Variants in MYOM3 observed in about 807,000 individuals in gnomAD.
MYOM3 encodes the protein myomesin-3.
A neutral mutation model predicts 191.7 loss-of-function variants in MYOM3; 155 were observed. That is an observed-to-expected ratio of 0.81 (90% CI 0.71 to 0.92). The LOEUF (loss-of-function observed/expected upper bound fraction) is 0.92. MYOM3 is among the 40% of genes least tolerant of loss of function. The pLI is 0.00. For synonymous variants in MYOM3, 757 were observed against 762.9 expected (o/e 0.99, Z 0.13); for missense variants, 1,889 against 1,890.6 (o/e 1.00, Z 0.02).
chr1:24,096,979 G>A (rs116175291), intron 7 of MYOM3, among the ~76,000 whole-genome samples: 1,681 of 152,336 alleles, frequency 0.011, 27 homozygotes, highest in African/African-American at 0.039. Flanking sequence ...TAGAGGCTCA[G>A]GGAAGTGAGG....
Position 24,108,570 on chromosome 1 carries a change from T to C in MYOM3, c.67A>G (p.Arg23Gly). The change falls in exon 2 of 37, where the codon AGG (arginine) becomes GGG (glycine). Residue 23 changes from arginine (R) to glycine (G), a missense_variant. Arg to Gly is a moderately radical substitution (Grantham distance 125, BLOSUM62 -2). Coordinates refer to ENST00000374434, the MANE Select transcript of MYOM3 (RefSeq NM_152372.4). ...TCCTCCTCCTGCCGGTGCTCCAGCC[T>C]GTGAACCTCCATGGCCTGGGGGGGC... is the stretch of plus-strand genomic sequence containing the variant. ...PRPPQAMEVHRLEHRQEEEQK... is the reference protein window; with the variant it reads ...PRPPQAMEVHGLEHRQEEEQK... 6.3e-7 allele frequency: 1 copy of C among 1,578,582 alleles called. No individual in the cohort carries two copies. The highest frequency in any genetic ancestry group is 8.6e-7 in the Non-Finnish European group (1 of 1,162,648).
chr1:24,075,857 C>T (rs753963013), intron 21 of MYOM3, among the ~76,000 whole-genome samples: 4 of 152,202 alleles, frequency 2.6e-5, no homozygotes, highest in Non-Finnish European at 5.9e-5. Context: ...GCAATGTGCG[C>T]ATCACCAAAT....
Position 24,056,478 on chromosome 1 carries a change from C to T in MYOM3, c.*886G>A, listed in dbSNP as rs1643302238. On this transcript the variant is annotated 3_prime_UTR_variant, in exon 37 of 37. Coordinates refer to ENST00000374434, the MANE Select transcript of MYOM3 (RefSeq NM_152372.4). ...CCGCCTCCCAGGTTCAACGGATTCTCCCACCTCGGCCTTCTGAATAGCCGG... is the reference window on the plus strand; with the variant it reads ...CCGCCTCCCAGGTTCAACGGATTCTTCCACCTCGGCCTTCTGAATAGCCGG... The T allele has an allele frequency of 6.6e-6, 1 of 152,228 alleles. No homozygotes were observed. Among genetic ancestry groups the T allele is most frequent in the African/African-American group, 2.4e-5 (1 of 41,456 alleles). The allele number at this position is 152,228 out of a possible 1,614,324, so 9.4% of individuals were successfully genotyped here.
intron 21 of MYOM3, 38 bp downstream of exon 21, chr1:24,076,120 GC>G (rs764014822): frequency 6.6e-7 from 1 of 1,518,596 alleles, no homozygotes; most frequent in South Asian, 1.1e-5. Flanking sequence ...CAGTGGCGTA[GC>G]CCAGTGGCAG....
At chr1:24,061,429 G>A (rs1441075163) in intron 33 of MYOM3, 120 bp from the exon 34 acceptor site, 20 of 1,016,282 alleles carry the variant, frequency 2.0e-5, no homozygotes, top group Admixed American at 8.2e-5. Flanking sequence ...TCCCCATGCC[G>A]ATGTTTCTTT....
rs781230300 is a variant in MYOM3, at chr1:24,097,282, A to G, written c.745+641T>C. Among the ~76,000 whole-genome samples the G allele has an allele frequency of 1.1e-4, 17 of 152,164 alleles. 1 individual carries two copies. The highest frequency in any genetic ancestry group is 7.2e-4 in the Admixed American group (11 of 15,284). Reference sequence around the variant, plus strand: ...TGAGATGGATCCCAACCTAAGCGCAATCCGGTGGGCCAAGCATGCTCTTTG... The same window carrying G: ...TGAGATGGATCCCAACCTAAGCGCAGTCCGGTGGGCCAAGCATGCTCTTTG... On this transcript the variant is annotated intron_variant, in intron 7 of 36. Transcript: ENST00000374434.
intron 14 of MYOM3, among the ~76,000 whole-genome samples, chr1:24,088,188 G>T (rs549346186): frequency 6.6e-6 from 1 of 152,234 alleles, no homozygotes; most frequent in African/African-American, 2.4e-5. Context: ...GTCTGGGCAA[G>T]AGAGTTAAGA....
chr1:24,093,146 G>T (rs771727374), intron 9 of MYOM3, 38 bp from the exon 10 acceptor site: 2 of 1,545,908 alleles, frequency 1.3e-6, no homozygotes, highest in Non-Finnish European at 1.8e-6. Flanking sequence ...AGTTTGTGGG[G>T]GGTCCTGGTC....
At chr1:24,065,564 C>A (rs779366966) in intron 29 of MYOM3, among the ~76,000 whole-genome samples, 1 of 152,096 alleles carries the variant, frequency 6.6e-6, no homozygotes. Context: ...GGTCAGAGAG[C>A]GACGGGGGCT....
chr1:24,084,418 A>G lies in MYOM3; in HGVS notation c.1970+50T>C, dbSNP rs1557609810. 4 of 1,584,916 alleles carry G rather than the reference A, an allele frequency of 2.5e-6. No individual in the cohort carries two copies. In the East Asian group the frequency reaches 8.9e-5, roughly 35 times the overall value. On this transcript the variant is annotated intron_variant, in intron 16 of 36. Coordinates refer to ENST00000374434, the MANE Select transcript of MYOM3 (RefSeq NM_152372.4). ...TAAAAGAAATTACCCAGTCTCAGGT[A>G]TGTCTTTATAGCAGTGTGAGAACAG...
At position 24,057,382 on chromosome 1, in the gene MYOM3, C is replaced by T; in HGVS notation, c.4296G>A (p.Lys1432=). The T allele has an allele frequency of 6.2e-7, 1 of 1,613,696 alleles. No individual in the cohort carries two copies. Residue 1432 remains lysine (K), a synonymous_variant, in exon 37 of 37, where the codon AAG becomes AAA. Transcript: ENST00000374434. ...CACGCTGTCACATGCTCTTCAGCTCCTTGGGCTCGTCCCCGTGCTTGAACA... is the reference window on the plus strand; with the variant it reads ...CACGCTGTCACATGCTCTTCAGCTCTTTGGGCTCGTCCCCGTGCTTGAACA... The part of the protein sequence containing the change: ...ISVFKHGDEP[K]ELKSM
rs1410851422 is a variant in MYOM3, at chr1:24,094,846, T to G, written c.928+7A>C. ...GGAGGCTGGGGGCCAGGACTGGGGG[T>G]CCTTACCATCTCGGAACCACTGGAT... On this transcript the variant is annotated splice_region_variant and intron_variant, in intron 9 of 36. Coordinates refer to ENST00000374434, the MANE Select transcript of MYOM3 (RefSeq NM_152372.4). 1.9e-6 allele frequency: 3 copies of G among 1,608,598 alleles called. No homozygotes were observed. The highest frequency in any genetic ancestry group is 2.5e-6 in the Non-Finnish European group (3 of 1,177,242).
Position 24,082,095 on chromosome 1 carries a change from C to A in MYOM3, c.2186G>T (p.Gly729Val), listed in dbSNP as rs756436956. The A allele has an allele frequency of 6.2e-7, 1 of 1,612,800 alleles. No individual in the cohort carries two copies. Residue 729 changes from glycine (G) to valine (V), a missense_variant, in exon 18 of 37, where the codon GGC becomes GTC. Transcript: ENST00000374434. ...GWKPPKRRGG[G>V]KILGYFLDQH... Reference sequence around the variant, plus strand: ...GTCCAGGAAGTAGCCCAGGATCTTGCCACCTCCACGACGCTTGGGGGGTTT... The same window carrying A: ...GTCCAGGAAGTAGCCCAGGATCTTGACACCTCCACGACGCTTGGGGGGTTT...
rs764993464 is a variant in MYOM3, at chr1:24,093,048, A to T, written c.989T>A (p.Leu330Gln). The T allele has an allele frequency of 5.6e-6, 9 of 1,613,148 alleles. No homozygotes were observed. The Admixed American group carries it at 1.0e-4, about 18-fold the overall frequency. The change falls in exon 10 of 37, where the codon CTG becomes CAG. Residue 330 changes from leucine (L) to glutamine (Q), a missense_variant. By Grantham distance (113) the Leu-to-Gln change is moderately radical (BLOSUM62 -2). Coordinates refer to ENST00000374434, the MANE Select transcript of MYOM3 (RefSeq NM_152372.4). Reference protein sequence around the residue: ...KILYTDRQASLKVSCTYKEDE... With the variant: ...KILYTDRQASQKVSCTYKEDE... Reference sequence around the variant, plus strand: ...CTCCTTGTAGGTGCAGGACACCTTCAGGGATGCCTGGCGGTCTGTGTAGAG... The same window carrying T: ...CTCCTTGTAGGTGCAGGACACCTTCTGGGATGCCTGGCGGTCTGTGTAGAG...
chr1:24,076,972 C>T lies in MYOM3; in HGVS notation c.2587-699G>A, dbSNP rs183634719. On this transcript the variant is annotated intron_variant, in intron 20 of 36. Coordinates refer to ENST00000374434, the MANE Select transcript of MYOM3 (RefSeq NM_152372.4). Reference sequence around the variant, plus strand: ...AAGTAGCTGGTACTACAGGCACCCACCACCATGCCCGGCTGAGTTTTGTAT... The same window carrying T: ...AAGTAGCTGGTACTACAGGCACCCATCACCATGCCCGGCTGAGTTTTGTAT... Among the ~76,000 whole-genome samples the T allele has an allele frequency of 4.6e-5, 7 of 152,290 alleles. No homozygotes were observed. In the East Asian group the frequency reaches 5.8e-4, roughly 13 times the overall value.
intron 8 of MYOM3, 30 bp downstream of exon 8, chr1:24,095,402 ACAAAGAATCC>A (rs776472085): frequency 1.3e-6 from 2 of 1,592,858 alleles, no homozygotes; most frequent in East Asian, 4.5e-5. Flanking sequence ...CAAAGCCTGA[ACAAAGAATCC>A]CAGGTCCCGT....
chr1:24,067,383 TCTTTTTCC>T (rs1214746597), intron 27 of MYOM3, among the ~76,000 whole-genome samples: 1 of 105,514 alleles, frequency 9.5e-6, no homozygotes, highest in Non-Finnish European at 1.9e-5. Context: ...CTTCTTTCTT[TCTTTTTCC>T]TTCCTTCCTT....
At chr1:24,099,278 G>A (rs1643895032) in intron 6 of MYOM3, among the ~76,000 whole-genome samples, 1 of 152,208 alleles carries the variant, frequency 6.6e-6, no homozygotes, top group African/African-American at 2.4e-5. Context: ...GTATGTGCAT[G>A]TATGCATATG....
intron 25 of MYOM3, among the ~76,000 whole-genome samples, chr1:24,069,496 A>G (rs1643495813): frequency 6.6e-6 from 1 of 152,234 alleles, no homozygotes; most frequent in Non-Finnish European, 1.5e-5. Context: ...GACTCCTGTC[A>G]GAACTAGTGC....
Sources: allele counts gnomAD v4.1 joint callset (sites outside exome capture counted in the v4.1 genomes callset), GRCh38; gene constraint gnomAD v4.1.1; transcripts MANE v1.5; gene names NCBI Gene and HGNC (gene_info 2026-07-23, HGNC 2026-07-21).